IMPACT: variants seen among roughly 807,000 people sequenced by gnomAD.
IMPACT encodes impact RWD domain protein.
IMPACT carries 35 observed loss-of-function variants against 47.5 expected under a neutral mutation model. The observed-to-expected ratio is 0.74, with a 90% confidence interval of 0.56 to 0.98. The LOEUF (loss-of-function observed/expected upper bound fraction) is 0.98, where lower values mean the gene tolerates loss of function less well. IMPACT is among the 50% of genes least tolerant of loss of function. The pLI, the probability that IMPACT is intolerant of heterozygous loss-of-function variation, is 0.00. For missense variants in IMPACT, 373 were observed against 394.8 expected (o/e 0.94, Z 0.47); for synonymous variants, 118 against 125.6 (o/e 0.94, Z 0.40).
chr18:24,450,780 A>G lies in IMPACT; in HGVS notation c.896A>G (p.Glu299Gly). Reference protein sequence around the residue: ...LVEKNYTNSPEESSKALGKNK... With the variant: ...LVEKNYTNSPGESSKALGKNK... The stretch of plus-strand genomic sequence containing the variant: ...TGCACTGATTTGTGTCTTTTTCAGG[A>G]GGAGTCATCTAAGGCTTTGGGAAAG... The change falls in exon 11 of 11, where the codon GAG becomes GGG. Residue 299 changes from glutamate to glycine, a missense_variant and splice_region_variant. Coordinates refer to ENST00000284202, the MANE Select transcript of IMPACT (RefSeq NM_018439.4). 2 of 1,605,664 alleles carry G rather than the reference A, an allele frequency of 1.2e-6. No homozygotes were observed. Among genetic ancestry groups the G allele is most frequent in the Non-Finnish European group, 1.7e-6 (2 of 1,173,336 alleles).
In IMPACT at chr18:24,443,045, CTAGAAG is replaced by C; in HGVS notation, c.500_505del (p.Val167_Glu168del). The C allele has an allele frequency of 5.1e-5, 77 of 1,499,210 alleles. No homozygotes were observed. The East Asian group carries it at 1.6e-3, about 31-fold the overall frequency. 92.9% of individuals were successfully genotyped at this position (1,499,210 alleles called of 1,614,324 possible). A position where few individuals can be genotyped will look rare whatever the true frequency, so the allele number is the denominator to read the frequency against. Reference sequence around the variant, plus strand: ...AAAAAATAAAGTTTCTTTTACATTTCTAGAAGTAGAAGTAGAAGAATTACCTCCGAT... The same window carrying C: ...AAAAAATAAAGTTTCTTTTACATTTCTAGAAGTAGAAGAATTACCTCCGAT... On this transcript the variant is annotated splice_acceptor_variant and splice_polypyrimidine_tract_variant and coding_sequence_variant and intron_variant, in exon 7 of 11. Coordinates refer to ENST00000284202, the MANE Select transcript of IMPACT (RefSeq NM_018439.4). LOFTEE classifies it high-confidence loss of function.
chr18:24,439,362 C>G (rs576745495), intron 5 of IMPACT, among the ~76,000 whole-genome samples: 132 of 152,238 alleles, frequency 8.7e-4, no homozygotes, highest in African/African-American at 3.1e-3. Flanking sequence ...GAAACCCCGT[C>G]TCTACTAAAA....
intron 8 of IMPACT, among the ~76,000 whole-genome samples, chr18:24,447,014 C>T (rs988092112): frequency 2.0e-5 from 3 of 152,110 alleles, no homozygotes; most frequent in Non-Finnish European, 4.4e-5. Flanking sequence ...CATTTGTTTT[C>T]TTTATTTCAC....
intron 4 of IMPACT, among the ~76,000 whole-genome samples, chr18:24,437,443 A>G (rs1211566131): frequency 1.3e-5 from 2 of 152,222 alleles, no homozygotes; most frequent in African/African-American, 4.8e-5. Flanking sequence ...ATATGAATAT[A>G]AAATTGTTGA....
At chr18:24,450,345 G>T (rs1909350746) in intron 10 of IMPACT, among the ~76,000 whole-genome samples, 1 of 152,106 alleles carries the variant, frequency 6.6e-6, no homozygotes, top group Non-Finnish European at 1.5e-5. Flanking sequence ...GAAATTCTCT[G>T]TTAGTGTCAA....
intron 9 of IMPACT, among the ~76,000 whole-genome samples, chr18:24,449,068 C>A (rs1386621787): frequency 6.6e-6 from 1 of 152,144 alleles, no homozygotes; most frequent in Non-Finnish European, 1.5e-5. Context: ...AAATGTCAAA[C>A]TGATGAAGAC....
At chr18:24,428,633 A>G (rs1908672887) in intron 2 of IMPACT, among the ~76,000 whole-genome samples, 1 of 152,208 alleles carries the variant, frequency 6.6e-6, no homozygotes, top group South Asian at 2.1e-4. Flanking sequence ...TAGCTATTTC[A>G]TATAGTTAAT....
At chr18:24,429,995 T>A (rs187230680) in intron 3 of IMPACT, among the ~76,000 whole-genome samples, 7 of 152,212 alleles carry the variant, frequency 4.6e-5, no homozygotes, top group African/African-American at 1.4e-4. Context: ...GCCAGGATGG[T>A]CTTGATCTCC....
chr18:24,441,166 A>G lies in IMPACT; in HGVS notation c.490+548A>G, dbSNP rs117244649. On this transcript the variant is annotated intron_variant, in intron 6 of 10. Coordinates refer to ENST00000284202, the MANE Select transcript of IMPACT (RefSeq NM_018439.4). Reference sequence around the variant, plus strand: ...GTAGCTGGGACTACAAGCATGCACCATTGTGCCCAGCTTGAGTTCAGTTTT... The same window carrying G: ...GTAGCTGGGACTACAAGCATGCACCGTTGTGCCCAGCTTGAGTTCAGTTTT... Among the ~76,000 whole-genome samples the G allele has an allele frequency of 8.9e-3, 1,353 of 152,232 alleles. 6 individuals carry two copies. Among genetic ancestry groups the G allele is most frequent in the Middle Eastern group, 0.014 (4 of 294 alleles).
rs140351177 is a variant in IMPACT at position 24,427,903 on chromosome 18, A to G, written c.37-16A>G. The G allele has an allele frequency of 6.3e-7, 1 of 1,593,576 alleles. No homozygotes were observed. Among genetic ancestry groups the G allele is most frequent in the African/African-American group, 1.4e-5 (1 of 73,676 alleles). On this transcript the variant is annotated splice_polypyrimidine_tract_variant and intron_variant, in intron 1 of 10. Coordinates refer to ENST00000284202, the MANE Select transcript of IMPACT (RefSeq NM_018439.4). The stretch of plus-strand genomic sequence containing the variant: ...TGTGTACATTTGTTGACTTTTAAAA[A>G]ATCAATTTCTTTCAGAATGAGGAAA...
intron 1 of IMPACT, chr18:24,427,508 A>G: frequency 6.4e-6 from 1 of 157,200 alleles, no homozygotes; most frequent in South Asian, 1.8e-4. Flanking sequence ...TGAGACACCC[A>G]GCAGGAGTAC....
chr18:24,435,524 A>G (rs1467937087), intron 4 of IMPACT: 2 of 152,216 alleles, frequency 1.3e-5, no homozygotes, highest in Non-Finnish European at 2.9e-5. Context: ...ATGGCATGTT[A>G]GGTTTTAATG....
chr18:24,432,159 ATT>A (rs751200483), intron 4 of IMPACT, among the ~76,000 whole-genome samples: 44 of 152,230 alleles, frequency 2.9e-4, no homozygotes, highest in Admixed American at 1.4e-3. Flanking sequence ...CCATGATAAT[ATT>A]TTCATTTAAA....
chr18:24,440,598 A>G lies in IMPACT; in HGVS notation c.470A>G (p.Asp157Gly), dbSNP rs1291410249. Residue 157 changes from aspartate to glycine, a missense_variant, in exon 6 of 11, where the codon GAT becomes GGT. Transcript: ENST00000284202. Reference sequence around the variant, plus strand: ...AGTTCGCTTAAAGCATTGGATTTTGATATCAGTGAAACTCGGACAGGTATA... The same window carrying G: ...AGTTCGCTTAAAGCATTGGATTTTGGTATCAGTGAAACTCGGACAGGTATA... ...PESSLKALDF[D>G]ISETRTEVEV... 4 of 1,612,934 alleles carry G rather than the reference A, an allele frequency of 2.5e-6. No individual in the cohort carries two copies. The highest frequency in any genetic ancestry group is 2.2e-5 in the East Asian group (1 of 44,868).
intron 5 of IMPACT, 85 bp from the exon 6 acceptor site, chr18:24,440,411 T>G: frequency 2.1e-6 from 3 of 1,427,496 alleles, no homozygotes; most frequent in East Asian, 2.4e-5. Flanking sequence ...GAGTGGTATT[T>G]AGAACCCAAG....
At chr18:24,439,034 T>C (rs1909022324) in intron 5 of IMPACT, among the ~76,000 whole-genome samples, 1 of 152,110 alleles carries the variant, frequency 6.6e-6, no homozygotes. Context: ...GAAGAATGAA[T>C]GTTGCGGTTT....
chr18:24,435,364 G>C (rs765391698), intron 4 of IMPACT: 4 of 152,074 alleles, frequency 2.6e-5, no homozygotes, highest in Non-Finnish European at 5.9e-5. Context: ...AAAATACTTA[G>C]AATATGATAC....
At chr18:24,446,063 T>C (rs1909241317) in intron 8 of IMPACT, among the ~76,000 whole-genome samples, 1 of 152,102 alleles carries the variant, frequency 6.6e-6, no homozygotes, top group Non-Finnish European at 1.5e-5. Flanking sequence ...TATAGCCAAA[T>C]TTCTTGCAAA....
chr18:24,445,340 T>C, intron 7 of IMPACT, 53 bp from the exon 8 acceptor site: 1 of 1,084,534 alleles, frequency 9.2e-7, no homozygotes, highest in East Asian at 2.4e-5. Flanking sequence ...CTAGCATTTA[T>C]TTACAGAGCA....
Sources: allele counts gnomAD v4.1 joint callset (sites outside exome capture counted in the v4.1 genomes callset), GRCh38; gene constraint gnomAD v4.1.1; transcripts MANE v1.5; gene names NCBI Gene and HGNC (gene_info 2026-07-23, HGNC 2026-07-21).